IDI1: variants seen among roughly 807,000 people sequenced by gnomAD.
IDI1 encodes the protein isopentenyl-diphosphate delta isomerase 1.
A neutral mutation model predicts 32.9 loss-of-function variants in IDI1; 23 were observed. The ratio of observed to expected loss-of-function variants is 0.70; its 90% CI spans 0.50 to 0.99. IDI1 has a LOEUF of 0.99. Ranked by LOEUF, IDI1 falls within the 50% of genes least tolerant of loss-of-function variation. The pLI, the probability that IDI1 is intolerant of heterozygous loss-of-function variation, is 0.00. For synonymous variants in IDI1, 133 were observed against 128.2 expected, an observed-to-expected ratio of 1.04 and a Z score of -0.25; for missense variants, 326 against 351.9, an observed-to-expected ratio of 0.93 and a Z score of 0.59.
In IDI1 at chr10:1,049,062, G is replaced by C. The variant is rs1004843009; in HGVS notation, c.-59C>G. ...GACACAATCTCGCCAAGCTTCGCCT[G>C]GTGGTGCCACCTCCCTGGCCTGTGA... On this transcript the variant is annotated 5_prime_UTR_variant, in exon 1 of 5. Transcript: ENST00000381344. 1 of 1,444,344 alleles carries C rather than the reference G, an allele frequency of 6.9e-7. No individual in the cohort carries two copies. The highest frequency in any genetic ancestry group is 9.0e-7 in the Non-Finnish European group (1 of 1,107,138). 89.5% of individuals were successfully genotyped at this position (1,444,344 alleles called of 1,614,324 possible).
chr10:1,043,757 C>A, intron 2 of IDI1: 2 of 668,860 alleles, frequency 3.0e-6, no homozygotes, highest in Non-Finnish European at 2.7e-6. Context: ...AGGGCTAGTC[C>A]CTCTTCTATG....
In IDI1 at chr10:1,044,065, C is replaced by A. The variant is rs746121163; in HGVS notation, c.247G>T (p.Glu83Ter). 3 of 1,613,430 alleles carry A rather than the reference C, an allele frequency of 1.9e-6. No homozygotes were observed. The change falls in exon 2 of 5, where the codon GAA becomes TAA. Residue 83 changes from glutamate (E) to a stop codon, truncating the protein, a stop_gained. Coordinates refer to ENST00000381344, the MANE Select transcript of IDI1 (RefSeq NM_004508.4). LOFTEE classifies it high-confidence loss of function. ...LLAEMCILID[E>*]NDNKIGAETK... is the part of the protein sequence containing the mutation. ...TCAGCTCCAATTTTATTGTCATTTT[C>A]ATCAATAAGGATACACATCTCTGCC... is the stretch of plus-strand genomic sequence containing the variant.
At chr10:1,050,748 C>A (rs895681472), upstream of IDI1, among the ~76,000 whole-genome samples, 1 of 152,196 alleles carries the variant, frequency 6.6e-6, no homozygotes, top group African/African-American at 2.4e-5. Flanking sequence ...CACCAGTTCA[C>A]CTCACGTGCA....
intron 4 of IDI1, among the ~76,000 whole-genome samples, chr10:1,041,809 C>CTTT (rs71297913): frequency 3.0e-5 from 4 of 134,716 alleles, no homozygotes; most frequent in Admixed American, 7.5e-5. Context: ...TCTTTTTCTT[C>CTTT]TTTTTTTTTT....
the IDI1 span, among the ~76,000 whole-genome samples, chr10:1,054,470 A>G: frequency 0.072 from 10,897 of 152,288 alleles, 454 homozygotes; most frequent in African/African-American, 0.11. Flanking sequence ...ATGCGCAAAA[A>G]TGAGTCTTAG....
At chr10:1,048,696 G>A in intron 1 of IDI1, 168 bp downstream of exon 1, 1 of 1,415,144 alleles carries the variant, frequency 7.1e-7, no homozygotes, top group Middle Eastern at 2.6e-4. Flanking sequence ...GGGAAGGCCC[G>A]GCCTCCCTCC....
At position 1,043,999 on chromosome 10, in the gene IDI1, C is replaced by T. The variant is rs1454725781; in HGVS notation, c.313G>A (p.Gly105Arg). 21 of 1,609,702 alleles carry T rather than the reference C, an allele frequency of 1.3e-5. No homozygotes were observed. Among genetic ancestry groups the T allele is most frequent in the East Asian group, 6.7e-5 (3 of 44,852 alleles). Residue 105 changes from glycine (G) to arginine (R), a missense_variant and splice_region_variant, in exon 2 of 5, where the codon GGA (glycine) becomes AGA (arginine). Around this residue, in one of 2 missense-constraint regions of IDI1, gnomAD observed 205 missense variants for 273.5 expected, o/e 0.75. Transcript: ENST00000381344. ...AAGAAAGACTGTTTCAAAGCAGCAC[C>T]TTTCTCAATGTTCTCGTTCAGGTGA... Reference protein sequence around the residue: ...NCHLNENIEKGLLHRAFSVFL... With the variant: ...NCHLNENIEKRLLHRAFSVFL...
In IDI1 at chr10:1,041,487, A is replaced by G. The variant is rs1291683708; in HGVS notation, c.555T>C (p.Ile185=). 3 of 1,570,716 alleles carry G rather than the reference A, an allele frequency of 1.9e-6. No individual in the cohort carries two copies. Among genetic ancestry groups the G allele is most frequent in the Non-Finnish European group, 1.7e-6 (2 of 1,154,280 alleles). ...IPLEEVPPEE[I]NYLTRIHYKA... is the part of the protein sequence containing the mutation. ...TGTAGTGAATTCGTGTTAAATAATT[A>G]ATTTCTTCTGGAGGAACCTAAGACA... Residue 185 remains isoleucine (I), a synonymous_variant, in exon 5 of 5, where the codon ATT becomes ATC. Transcript: ENST00000381344.
At chr10:1,049,436 G>A (rs934559956), upstream of IDI1, 20 of 164,164 alleles carry the variant, frequency 1.2e-4, no homozygotes, top group Non-Finnish European at 2.1e-4. Context: ...AAGGCGGGAC[G>A]TCACTGCTGA....
At position 1,043,384 on chromosome 10, in the gene IDI1, T is replaced by A. The variant is rs758705449; in HGVS notation, c.323A>T (p.His108Leu). Residue 108 changes from histidine to leucine, a missense_variant, in exon 3 of 5, where the codon CAT becomes CTT. Around this residue, in one of 2 missense-constraint regions of IDI1, gnomAD observed 205 missense variants for 273.5 expected, o/e 0.75. Transcript: ENST00000381344. ...GAATAAGAAGACACTAAAAGCTCGA[T>A]GCAATAATCCTGAAAGCAAAAGAAA... is the stretch of plus-strand genomic sequence containing the variant. ...LNENIEKGLL[H>L]RAFSVFLFNT... The A allele has an allele frequency of 6.2e-7, 1 of 1,601,946 alleles. No homozygotes were observed. Among genetic ancestry groups the A allele is most frequent in the Non-Finnish European group, 8.6e-7 (1 of 1,168,936 alleles).
chr10:1,049,614 C>A, upstream of IDI1: 1 of 153,540 alleles, frequency 6.5e-6, no homozygotes, highest in Non-Finnish European at 1.5e-5. Flanking sequence ...GGGTGTTCCA[C>A]GCTATGTTGG....
chr10:1,051,799 T>C (rs1231511874), upstream of IDI1, among the ~76,000 whole-genome samples: 1 of 152,270 alleles, frequency 6.6e-6, no homozygotes, highest in Non-Finnish European at 1.5e-5. Flanking sequence ...CTGTTGCAGT[T>C]TCTTAAAATA....
At chr10:1,041,554 A>G (rs1832587193) in intron 4 of IDI1, 50 bp from the exon 5 acceptor site, 2 of 1,027,552 alleles carry the variant, frequency 1.9e-6, no homozygotes, top group East Asian at 5.1e-5. Flanking sequence ...CACCGTAACA[A>G]AAAAAATCTA....
Position 1,044,147 on chromosome 10 carries a change from A to G in IDI1, c.165T>C (p.Phe55=), listed in dbSNP as rs764828775. ...TAGTGTTTATTTCAGGCATCATTAC[A>G]AAATGTCTGATCTGTTCTAGAACAC... The part of the protein sequence containing the change: ...LISVLEQIRH[F]VMMPEINTNH... The change falls in exon 2 of 5, where the codon TTT becomes TTC. Residue 55 remains phenylalanine, a synonymous_variant. Transcript: ENST00000381344. 6.2e-7 allele frequency: 1 copy of G among 1,613,756 alleles called. No homozygotes were observed. Among genetic ancestry groups the G allele is most frequent in the South Asian group, 1.1e-5 (1 of 91,064 alleles).
rs183296678 is a variant in IDI1 at position 1,043,657 on chromosome 10, G to A, written c.314-264C>T. On this transcript the variant is annotated intron_variant, in intron 2 of 4. Coordinates refer to ENST00000381344, the MANE Select transcript of IDI1 (RefSeq NM_004508.4). ...TCCCTATCAAGGACATTCAGTTCTC[G>A]GAAAGTGGTGAAGGCACATGCTTCC... 1.3e-3 allele frequency: 826 copies of A among 649,478 alleles called. 3 individuals are homozygous for A. The Admixed American group carries it at 0.013, about 10-fold the overall frequency. 40.2% of individuals were successfully genotyped at this position (649,478 alleles called of 1,614,324 possible).
intron 1 of IDI1, chr10:1,048,345 C>T: frequency 7.7e-7 from 1 of 1,304,908 alleles, no homozygotes; most frequent in South Asian, 1.2e-5. Context: ...ATCTCTTCTC[C>T]TGCTCCATTC....
In IDI1 at chr10:1,040,254, C is replaced by T. The variant is rs1244769345; in HGVS notation, c.*933G>A. ...TTTTTCTCCCTACAATATTTCCTGA[C>T]TCTGTAGGACAGTGGTCCTCAGTTG... On this transcript the variant is annotated 3_prime_UTR_variant, in exon 5 of 5. Transcript: ENST00000381344. 4 of 152,154 alleles carry T rather than the reference C, an allele frequency of 2.6e-5. No individual in the cohort carries two copies. The highest frequency in any genetic ancestry group is 9.7e-5 in the African/African-American group (4 of 41,422). 9.4% of individuals were successfully genotyped at this position (152,154 alleles called of 1,614,324 possible). A position where few individuals can be genotyped will look rare whatever the true frequency, so the allele number is the denominator to read the frequency against.
intron 1 of IDI1, chr10:1,048,520 C>G: frequency 7.9e-7 from 1 of 1,267,696 alleles, no homozygotes; most frequent in Non-Finnish European, 1.0e-6. Flanking sequence ...AGGGGAGACT[C>G]GCAACTCTTA....
At chr10:1,052,812 G>C (rs549989813), upstream of IDI1, among the ~76,000 whole-genome samples, 118 of 152,166 alleles carry the variant, frequency 7.8e-4, no homozygotes, top group Non-Finnish European at 1.4e-3. Context: ...TAGCCCCCTA[G>C]CAAGGGTCAG....
Sources: allele counts gnomAD v4.1 joint callset (sites outside exome capture counted in the v4.1 genomes callset), GRCh38; gene constraint gnomAD v4.1.1; regional missense constraint gnomAD v4.1.1; transcripts MANE v1.5; gene names NCBI Gene and HGNC (gene_info 2026-07-23, HGNC 2026-07-21).